The following DOK6 variants were observed in gnomAD, a reference collection of about 807,000 sequenced individuals.
DOK6 encodes docking protein 6.
DOK6 carries 22 observed loss-of-function variants against 44.0 expected under a neutral mutation model. The observed-to-expected ratio is 0.50, with a 90% CI of 0.36 to 0.71. The LOEUF is 0.71. DOK6 is among the 30% of genes least tolerant of loss of function. The probability of loss-of-function intolerance (pLI) is 0.00; values close to 1 mark genes in which losing one functional copy is unlikely to be tolerated. For missense variants in DOK6, 340 were observed against 416.4 expected (o/e 0.82, Z 1.60); for synonymous variants, 166 against 145.5 (o/e 1.14, Z -1.01).
chr18:69,620,443 T>C (rs1274894808), intron 3 of DOK6, among the ~76,000 whole-genome samples: 1 of 152,208 alleles, frequency 6.6e-6, no homozygotes, highest in African/African-American at 2.4e-5. Flanking sequence ...CATGGTTCTT[T>C]TCCTTTAAGC....
intron 1 of DOK6, among the ~76,000 whole-genome samples, chr18:69,480,616 C>T (rs557945040): frequency 2.6e-5 from 4 of 152,208 alleles, no homozygotes; most frequent in African/African-American, 7.2e-5. Flanking sequence ...ATCTATTTGT[C>T]AGTTGAACAC....
chr18:69,807,418 A>C (rs1291072025), intron 7 of DOK6, among the ~76,000 whole-genome samples: 2 of 151,990 alleles, frequency 1.3e-5, no homozygotes, highest in African/African-American at 4.8e-5. Context: ...ACAATTAGCA[A>C]AATAGCAGTA....
chr18:69,503,867 G>A (rs1387981384), intron 1 of DOK6, among the ~76,000 whole-genome samples: 2 of 151,796 alleles, frequency 1.3e-5, no homozygotes, highest in Admixed American at 6.6e-5. Context: ...TTATTCTCTG[G>A]AACAATAGAA....
At chr18:69,591,635 T>A (rs1362649595) in intron 2 of DOK6, among the ~76,000 whole-genome samples, 1 of 152,070 alleles carries the variant, frequency 6.6e-6, no homozygotes, top group Non-Finnish European at 1.5e-5. Context: ...TAAAATAATG[T>A]CAATATTGGG....
At chr18:69,670,456 A>C (rs1346166840) in intron 3 of DOK6, among the ~76,000 whole-genome samples, 5 of 152,066 alleles carry the variant, frequency 3.3e-5, no homozygotes, top group Non-Finnish European at 7.4e-5. Flanking sequence ...CTTCCTCAAA[A>C]AGTTGTCTGC....
chr18:69,542,593 ATTAAATTTAG>A (rs1448643642), intron 1 of DOK6, among the ~76,000 whole-genome samples: 1 of 151,758 alleles, frequency 6.6e-6, no homozygotes, highest in Non-Finnish European at 1.5e-5. Flanking sequence ...AGCAGCTAAC[ATTAAATTTAG>A]GAGAACAATA....
chr18:69,749,084 T>C (rs117536080), intron 6 of DOK6, among the ~76,000 whole-genome samples: 3,990 of 152,144 alleles, frequency 0.026, 80 homozygotes, highest in Non-Finnish European at 0.041. Flanking sequence ...ATGTCCTCAC[T>C]TGCGAGTGGG....
At chr18:69,483,240 C>T (rs1980479865) in intron 1 of DOK6, among the ~76,000 whole-genome samples, 1 of 151,924 alleles carries the variant, frequency 6.6e-6, no homozygotes, top group African/African-American at 2.4e-5. Context: ...ATAGTCTCAG[C>T]CCAAAAGCTT....
chr18:69,413,841 A>C (rs140890187), intron 1 of DOK6, among the ~76,000 whole-genome samples: 116 of 152,004 alleles, frequency 7.6e-4, no homozygotes, highest in Middle Eastern at 6.8e-3. Flanking sequence ...CTTAAGGACT[A>C]TACATCTCTG....
At chr18:69,730,406 G>A (rs1599291764) in intron 5 of DOK6, among the ~76,000 whole-genome samples, 1 of 152,202 alleles carries the variant, frequency 6.6e-6, no homozygotes, top group African/African-American at 2.4e-5. Flanking sequence ...AACAGAAGTG[G>A]TTGGTCCATT....
intron 1 of DOK6, among the ~76,000 whole-genome samples, chr18:69,554,016 AC>A (rs1476016801): frequency 2.6e-5 from 4 of 152,206 alleles, no homozygotes; most frequent in South Asian, 4.1e-4. Flanking sequence ...TTCCTATATC[AC>A]TTTTTCTTAC....
chr18:69,445,912 C>T (rs355989), intron 1 of DOK6, among the ~76,000 whole-genome samples: 148,102 of 152,254 alleles, frequency 0.97, 72,164 homozygotes, highest in East Asian at 1. Context: ...GTAATATCTT[C>T]TATATTCCTT....
chr18:69,429,344 T>C (rs1384918050), intron 1 of DOK6, among the ~76,000 whole-genome samples: 1 of 152,006 alleles, frequency 6.6e-6, no homozygotes, highest in Non-Finnish European at 1.5e-5. Flanking sequence ...CTGCCCTGTT[T>C]AACTGCACAC....
chr18:69,548,823 G>A (rs1982480234), intron 1 of DOK6, among the ~76,000 whole-genome samples: 1 of 151,588 alleles, frequency 6.6e-6, no homozygotes. Context: ...GCCGGGCGCG[G>A]TGGCTCACGC....
chr18:69,669,532 G>T (rs558226745), intron 3 of DOK6, among the ~76,000 whole-genome samples: 1 of 152,194 alleles, frequency 6.6e-6, no homozygotes, highest in African/African-American at 2.4e-5. Flanking sequence ...CACATGCTTG[G>T]CCTTTTATAT....
rs779957440 is a variant in DOK6, at chr18:69,757,884, T to TTAATG, written c.856+15_856+19dup. The TTAATG allele has an allele frequency of 6.2e-7, 1 of 1,609,952 alleles. No homozygotes were observed. Among genetic ancestry groups the TTAATG allele is most frequent in the African/African-American group, 1.3e-5 (1 of 74,980 alleles). ...TCTACAGTTTGCAAGGCAAGTCACT[T>TTAATG]TAATGTAAGAAAGCAGTGCCTCCAT... is the stretch of plus-strand genomic sequence containing the variant. On this transcript the variant is annotated intron_variant, in intron 7 of 7. Coordinates refer to ENST00000382713, the MANE Select transcript of DOK6 (RefSeq NM_152721.6).
At chr18:69,622,834 G>A (rs187326670) in intron 3 of DOK6, among the ~76,000 whole-genome samples, 1 of 152,194 alleles carries the variant, frequency 6.6e-6, no homozygotes, top group African/African-American at 2.4e-5. Flanking sequence ...AGAAAGATAA[G>A]GATTTATAGG....
intron 5 of DOK6, among the ~76,000 whole-genome samples, chr18:69,736,597 T>G (rs969370296): frequency 1.2e-4 from 18 of 152,220 alleles, no homozygotes; most frequent in African/African-American, 4.3e-4. Context: ...TTTCACAAAA[T>G]AAATGCAATT....
chr18:69,834,314 G>A (rs922725261), intron 7 of DOK6, among the ~76,000 whole-genome samples: 32 of 152,204 alleles, frequency 2.1e-4, no homozygotes, highest in African/African-American at 7.5e-4. Context: ...TCATATGTGA[G>A]AGCTGAAAAT....
Sources: gnomAD v4.1 joint callset for allele counts (sites outside exome capture counted in the v4.1 genomes callset) on GRCh38, gnomAD v4.1.1 for gene constraint, MANE v1.5 for transcripts, NCBI Gene and HGNC (gene_info 2026-07-23, HGNC 2026-07-21) for gene names.